Variants in SLC25A13 observed in about 807,000 individuals in gnomAD.
SLC25A13 encodes electrogenic aspartate/glutamate antiporter SLC25A13, mitochondrial.
SLC25A13 carries 70 observed loss-of-function variants against 85.5 expected under a neutral mutation model. The ratio of observed to expected loss-of-function variants is 0.82; its 90% CI spans 0.68 to 1.00. The LOEUF is 1.00. Ranked by LOEUF, SLC25A13 falls within the 50% of genes least tolerant of loss-of-function variation. The probability of loss-of-function intolerance (pLI) is 0.00; values close to 1 mark genes in which losing one functional copy is unlikely to be tolerated. For synonymous variants in SLC25A13, 259 were observed against 288.7 expected (o/e 0.90, Z 1.04); for missense variants, 765 against 819.8 (o/e 0.93, Z 0.82).
chr7:96,220,096 CT>C (rs1267386319), intron 4 of SLC25A13, among the ~76,000 whole-genome samples: 7 of 152,166 alleles, frequency 4.6e-5, no homozygotes, highest in African/African-American at 1.2e-4. Flanking sequence ...CTTTAATCAT[CT>C]GCTGTGTGTT....
chr7:96,136,675 G>C (rs1792301265), intron 14 of SLC25A13, among the ~76,000 whole-genome samples: 1 of 152,140 alleles, frequency 6.6e-6, no homozygotes, highest in Admixed American at 6.5e-5. Flanking sequence ...GCTAATTCCT[G>C]CTTATTCTAG....
At chr7:96,221,317 T>G (rs1300270838) in intron 4 of SLC25A13, among the ~76,000 whole-genome samples, 1 of 152,152 alleles carries the variant, frequency 6.6e-6, no homozygotes, top group Non-Finnish European at 1.5e-5. Flanking sequence ...AAATTCTTAC[T>G]CTCTATTTGG....
In SLC25A13 at chr7:96,205,727, T is replaced by A. The variant is rs553184935; in HGVS notation, c.468+3111A>T. 2.6e-5 allele frequency among the ~76,000 whole-genome samples: 4 copies of A among 152,268 alleles called. No homozygotes were observed. In the South Asian group the frequency reaches 8.3e-4, roughly 32 times the overall value. On this transcript the variant is annotated intron_variant, in intron 5 of 17. Transcript: ENST00000265631. Reference sequence around the variant, plus strand: ...CAAGTTTAGCTCAAATAATATCAAATTGATTCACCACTTTATGACTTTTAC... The same window carrying A: ...CAAGTTTAGCTCAAATAATATCAAAATGATTCACCACTTTATGACTTTTAC...
chr7:96,291,289 G>A (rs1319351168), intron 2 of SLC25A13, among the ~76,000 whole-genome samples: 11 of 152,144 alleles, frequency 7.2e-5, no homozygotes, highest in Non-Finnish European at 1.5e-4. Context: ...AGTGTGTAGA[G>A]AGAAATCTAT....
intron 11 of SLC25A13, among the ~76,000 whole-genome samples, chr7:96,180,870 G>A (rs376703875): frequency 4.6e-5 from 7 of 152,214 alleles, no homozygotes; most frequent in African/African-American, 1.7e-4. Context: ...GGTTATGCCA[G>A]TCATTCAAAC....
intron 11 of SLC25A13, among the ~76,000 whole-genome samples, chr7:96,182,833 T>C (rs1050691660): frequency 3.9e-5 from 6 of 152,158 alleles, no homozygotes; most frequent in Non-Finnish European, 8.8e-5. Context: ...AAGGCATCCT[T>C]GACATTTAAT....
chr7:96,235,255 T>C (rs1442498925), intron 3 of SLC25A13, among the ~76,000 whole-genome samples: 1 of 152,212 alleles, frequency 6.6e-6, no homozygotes, highest in Non-Finnish European at 1.5e-5. Context: ...TAGACTAAGA[T>C]GTGACTGCCT....
intron 4 of SLC25A13, among the ~76,000 whole-genome samples, chr7:96,233,603 T>A (rs1796639844): frequency 6.6e-6 from 1 of 152,164 alleles, no homozygotes; most frequent in African/African-American, 2.4e-5. Flanking sequence ...GCACAATAAA[T>A]CTATTATACT....
intron 3 of SLC25A13, among the ~76,000 whole-genome samples, chr7:96,270,290 TCA>T (rs1164513887): frequency 6.6e-6 from 1 of 152,196 alleles, no homozygotes; most frequent in Admixed American, 6.5e-5. Context: ...GTGCGGTGGC[TCA>T]CACCTATAAT....
intron 2 of SLC25A13, among the ~76,000 whole-genome samples, chr7:96,288,207 G>T (rs544416998): frequency 2.0e-5 from 3 of 152,326 alleles, no homozygotes; most frequent in Non-Finnish European, 4.4e-5. Flanking sequence ...AAGGCAGGCA[G>T]ATCACTTGAG....
At chr7:96,319,183 C>A (rs2375059) in intron 1 of SLC25A13, among the ~76,000 whole-genome samples, 96,754 of 152,026 alleles carry the variant, frequency 0.64, 31,153 homozygotes, top group Non-Finnish European at 0.67. Context: ...TAAGAAATGG[C>A]CTTATGTAAC....
intron 1 of SLC25A13, among the ~76,000 whole-genome samples, chr7:96,315,728 C>T (rs1584614641): frequency 1.3e-5 from 2 of 152,108 alleles, no homozygotes; most frequent in Admixed American, 6.5e-5. Flanking sequence ...ATTCCTAGCA[C>T]AAAAACTGAT....
chr7:96,215,206 C>A (rs1795844098), intron 4 of SLC25A13, among the ~76,000 whole-genome samples: 1 of 152,202 alleles, frequency 6.6e-6, no homozygotes. Flanking sequence ...TCAAGCAATT[C>A]TCCTGCCTCA....
At chr7:96,173,006 C>T (rs1045969406) in intron 11 of SLC25A13, among the ~76,000 whole-genome samples, 1 of 152,244 alleles carries the variant, frequency 6.6e-6, no homozygotes, top group Admixed American at 6.5e-5. Context: ...GATCCGCCTG[C>T]CTTGGCCTTC....
intron 3 of SLC25A13, among the ~76,000 whole-genome samples, chr7:96,271,093 T>C (rs1050775487): frequency 3.9e-5 from 6 of 152,230 alleles, no homozygotes; most frequent in African/African-American, 1.4e-4. Flanking sequence ...AAGACCCTTT[T>C]TCCAAATAAG....
intron 14 of SLC25A13, among the ~76,000 whole-genome samples, chr7:96,141,809 A>T (rs527664270): frequency 6.6e-6 from 1 of 152,340 alleles, no homozygotes; most frequent in African/African-American, 2.4e-5. Flanking sequence ...AAAAAGGGAT[A>T]AACTGAAAAA....
chr7:96,148,679 T>C (rs1792902241), intron 13 of SLC25A13, among the ~76,000 whole-genome samples: 1 of 152,190 alleles, frequency 6.6e-6, no homozygotes, highest in Non-Finnish European at 1.5e-5. Context: ...GCCTGATTTT[T>C]TGAAGCTCAA....
At chr7:96,249,879 C>A (rs202030084) in intron 3 of SLC25A13, among the ~76,000 whole-genome samples, 394 of 111,160 alleles carry the variant, frequency 3.5e-3, no homozygotes, top group South Asian at 6.7e-3. Flanking sequence ...CTTAACTTAG[C>A]AAAAAAAAAA....
rs182720034 is a variant in SLC25A13, at chr7:96,230,545, C to T, written c.328+4257G>A. 4.9e-3 allele frequency among the ~76,000 whole-genome samples: 753 copies of T among 152,306 alleles called. 6 individuals carry two copies. Among genetic ancestry groups the T allele is most frequent in the African/African-American group, 0.017 (727 of 41,562 alleles). On this transcript the variant is annotated intron_variant, in intron 4 of 17. Coordinates refer to ENST00000265631, the MANE Select transcript of SLC25A13 (RefSeq NM_014251.3). ...AAATGGAAACATTTAATTTTTTCTCCTCACATACAGAATCACAAATTAACT... is the reference window on the plus strand; with the variant it reads ...AAATGGAAACATTTAATTTTTTCTCTTCACATACAGAATCACAAATTAACT...
Sources: allele counts gnomAD v4.1 joint callset (sites outside exome capture counted in the v4.1 genomes callset), GRCh38; gene constraint gnomAD v4.1.1; transcripts MANE v1.5; gene names NCBI Gene and HGNC (gene_info 2026-07-23, HGNC 2026-07-21).